RAD51B: variants seen among roughly 807,000 people sequenced by gnomAD.
The protein encoded by RAD51B is RAD51 paralog B, also known as DNA repair protein RAD51 homolog 2.
Under a neutral mutation model 42.2 loss-of-function variants are expected in RAD51B, and 38 were observed. That is an observed-to-expected ratio of 0.90 (90% confidence interval 0.70 to 1.18). The LOEUF is 1.18. RAD51B is among the 50% of genes most tolerant of loss of function. The pLI is 0.00. For synonymous variants in RAD51B, 154 were observed against 145.2 expected (o/e 1.06, Z -0.43); for missense variants, 373 against 400.7 (o/e 0.93, Z 0.59).
chr14:67,944,842 G>A (rs2045335230), intron 7 of RAD51B, among the ~76,000 whole-genome samples: 2 of 152,148 alleles, frequency 1.3e-5, no homozygotes, highest in Non-Finnish European at 2.9e-5. Flanking sequence ...CCTGGACCCT[G>A]CCCTTATGGA....
chr14:68,081,903 T>A (rs2076917898), intron 7 of RAD51B, among the ~76,000 whole-genome samples: 1 of 151,906 alleles, frequency 6.6e-6, no homozygotes, highest in Non-Finnish European at 1.5e-5. Flanking sequence ...TGATAAATAC[T>A]TATTTTTTTT....
At chr14:68,400,419 C>T (rs990037188) in intron 8 of RAD51B, among the ~76,000 whole-genome samples, 1 of 152,218 alleles carries the variant, frequency 6.6e-6, no homozygotes, top group Non-Finnish European at 1.5e-5. Flanking sequence ...GGGATATACC[C>T]AGTGTGAGAT....
intron 7 of RAD51B, among the ~76,000 whole-genome samples, chr14:68,280,783 G>A (rs1051105618): frequency 9.9e-5 from 15 of 152,176 alleles, no homozygotes; most frequent in Non-Finnish European, 1.8e-4. Context: ...CTAGGGCAAG[G>A]TGGCTCACAC....
At chr14:68,168,105 A>C (rs2078790216) in intron 7 of RAD51B, among the ~76,000 whole-genome samples, 1 of 152,128 alleles carries the variant, frequency 6.6e-6, no homozygotes. Flanking sequence ...TACAGCACAA[A>C]TATCACTCCT....
At chr14:67,825,040 T>C (rs2140277297) in intron 2 of RAD51B, among the ~76,000 whole-genome samples, 1 of 121,520 alleles carries the variant, frequency 8.2e-6, no homozygotes, top group African/African-American at 3.2e-5. Context: ...ATCGTGCCAC[T>C]GCACTCCAGC....
chr14:67,926,859 G>C (rs2044530766), intron 7 of RAD51B, among the ~76,000 whole-genome samples: 1 of 152,138 alleles, frequency 6.6e-6, no homozygotes, highest in East Asian at 1.9e-4. Flanking sequence ...ACCACGCCTG[G>C]CGGAGATATG....
At chr14:68,201,007 A>G (rs2079473877) in intron 7 of RAD51B, among the ~76,000 whole-genome samples, 1 of 152,132 alleles carries the variant, frequency 6.6e-6, no homozygotes, top group African/African-American at 2.4e-5. Flanking sequence ...CCCAGAAGCT[A>G]CTGGTAATAC....
chr14:68,070,705 G>T (rs1360531343), intron 7 of RAD51B, among the ~76,000 whole-genome samples: 1 of 151,900 alleles, frequency 6.6e-6, no homozygotes, highest in Non-Finnish European at 1.5e-5. Flanking sequence ...TTGAAGTCAG[G>T]TAGTGTGATG....
intron 10 of RAD51B, among the ~76,000 whole-genome samples, chr14:68,526,924 C>T (rs1038731228): frequency 2.0e-5 from 3 of 152,216 alleles, no homozygotes; most frequent in Non-Finnish European, 4.4e-5. Context: ...AACAGGCTTC[C>T]CCTTCTGGGT....
intron 7 of RAD51B, among the ~76,000 whole-genome samples, chr14:68,169,496 T>A (rs905649280): frequency 3.3e-5 from 5 of 151,762 alleles, no homozygotes; most frequent in African/African-American, 1.2e-4. Flanking sequence ...ATGTTTTATA[T>A]CGTAAGTTGA....
chr14:68,448,577 A>C (rs10136055), intron 9 of RAD51B, among the ~76,000 whole-genome samples: 20,166 of 152,226 alleles, frequency 0.13, 1,615 homozygotes, highest in East Asian at 0.47. Flanking sequence ...ACATTAAATA[A>C]ATCATTCAGT....
chr14:68,064,664 G>C (rs1053674765), intron 7 of RAD51B, among the ~76,000 whole-genome samples: 2 of 151,496 alleles, frequency 1.3e-5, no homozygotes, highest in Non-Finnish European at 2.9e-5. Flanking sequence ...TTTTCTTCCT[G>C]TTTTTTCTCT....
intron 7 of RAD51B, among the ~76,000 whole-genome samples, chr14:68,134,655 C>T (rs2077971080): frequency 6.6e-6 from 1 of 151,980 alleles, no homozygotes. Flanking sequence ...TTTTAATTTA[C>T]ATTTTTCTAA....
chr14:68,401,791 G>A (rs527833958), intron 8 of RAD51B, among the ~76,000 whole-genome samples: 3 of 152,250 alleles, frequency 2.0e-5, no homozygotes, highest in African/African-American at 7.2e-5. Context: ...TCTGAAAGAC[G>A]ACTAATAGCT....
rs557954608 is a variant in RAD51B at position 68,085,914 on chromosome 14, C to G, written c.756+198710C>G. On this transcript the variant is annotated intron_variant, in intron 7 of 10. Coordinates refer to ENST00000471583, the MANE Select transcript of RAD51B (RefSeq NM_133510.4). ...AGGCTGTAGGGCTCTGACCCCATGG[C>G]AGCGTCTAGGGGTGAATGTTTACAG... 2.6e-5 allele frequency among the ~76,000 whole-genome samples: 4 copies of G among 152,302 alleles called. No individual in the cohort carries two copies. In the East Asian group the frequency reaches 7.7e-4, roughly 29 times the overall value.
chr14:67,890,612 TC>T (rs1156403803), intron 7 of RAD51B, among the ~76,000 whole-genome samples: 2 of 68,742 alleles, frequency 2.9e-5, no homozygotes, highest in Admixed American at 4.1e-4. Flanking sequence ...CCCTCCCCCC[TC>T]CCCCCACCCC....
intron 10 of RAD51B, among the ~76,000 whole-genome samples, chr14:68,590,342 G>C (rs1298598664): frequency 6.6e-6 from 1 of 152,196 alleles, no homozygotes; most frequent in Admixed American, 6.5e-5. Context: ...TTAAAAAAAA[G>C]AACCAGTTTT....
At chr14:68,606,852 G>A (rs1267376734) in intron 10 of RAD51B, among the ~76,000 whole-genome samples, 1 of 152,162 alleles carries the variant, frequency 6.6e-6, no homozygotes, top group African/African-American at 2.4e-5. Flanking sequence ...ACCTTGTCTA[G>A]TTCTCTTTAC....
intron 11 of RAD51B, among the ~76,000 whole-genome samples, chr14:68,655,966 T>G (rs796450351): frequency 1.4e-4 from 22 of 152,314 alleles, no homozygotes; most frequent in African/African-American, 5.3e-4. Context: ...GTCCCAAGCA[T>G]TCTGCCCACA....
Sources: gnomAD v4.1 joint callset for allele counts (sites outside exome capture counted in the v4.1 genomes callset) on GRCh38, gnomAD v4.1.1 for gene constraint, MANE v1.5 for transcripts, NCBI Gene and HGNC (gene_info 2026-07-23, HGNC 2026-07-21) for gene names.